MSI1: variants seen among roughly 807,000 people sequenced by gnomAD.
The protein encoded by MSI1 is RNA-binding protein Musashi homolog 1.
MSI1 carries 15 observed loss-of-function variants against 54.4 expected under a neutral mutation model. The observed-to-expected ratio is 0.28, with a 90% CI of 0.18 to 0.42. The LOEUF (loss-of-function observed/expected upper bound fraction) is 0.42. Ranked by LOEUF, MSI1 falls within the 20% of genes least tolerant of loss-of-function variation. The probability of loss-of-function intolerance (pLI) is 1.00; values close to 1 mark genes in which losing one functional copy is unlikely to be tolerated. For missense variants in MSI1, 304 were observed against 506.0 expected (o/e 0.60, Z 3.83); for synonymous variants, 200 against 196.5 (o/e 1.02, Z -0.15).
At chr12:120,350,032 A>G (rs973275800) in intron 11 of MSI1, among the ~76,000 whole-genome samples, 1 of 152,126 alleles carries the variant, frequency 6.6e-6, no homozygotes, top group Non-Finnish European at 1.5e-5. Flanking sequence ...TCCTGTGCAC[A>G]GTAGGTCCGT....
intron 9 of MSI1, 144 bp downstream of exon 9, chr12:120,356,758 G>T: frequency 2.7e-6 from 2 of 754,332 alleles, no homozygotes; most frequent in Non-Finnish European, 4.4e-6. Flanking sequence ...TGCCAGACCC[G>T]ACAGATCCCT....
intron 10 of MSI1, among the ~76,000 whole-genome samples, chr12:120,353,088 G>C (rs1874772225): frequency 6.6e-6 from 1 of 151,968 alleles, no homozygotes; most frequent in African/African-American, 2.4e-5. Context: ...GTGCCATGCA[G>C]GGCCACGCTG....
At chr12:120,345,050 C>T (rs991511696) in intron 14 of MSI1, among the ~76,000 whole-genome samples, 20 of 151,012 alleles carry the variant, frequency 1.3e-4, no homozygotes, top group East Asian at 3.9e-4. Context: ...TAATAATAAA[C>T]GATCTTAAAA....
intron 14 of MSI1, among the ~76,000 whole-genome samples, chr12:120,343,942 C>T (rs1027362571): frequency 3.9e-5 from 6 of 152,158 alleles, no homozygotes; most frequent in African/African-American, 9.7e-5. Flanking sequence ...CTGCAGCCTT[C>T]GCTTTCTGGG....
chr12:120,363,215 C>T, intron 5 of MSI1, 80 bp from the exon 6 acceptor site: 4 of 1,213,228 alleles, frequency 3.3e-6, no homozygotes, highest in Non-Finnish European at 4.8e-6. Context: ...GCCCCCCTGC[C>T]AGGATGCCAG....
chr12:120,355,402 CAAAAA>C (rs34596687), intron 9 of MSI1, among the ~76,000 whole-genome samples: 1 of 104,494 alleles, frequency 9.6e-6, no homozygotes. Context: ...GACTCCGTCT[CAAAAA>C]AAAAAAAAAA....
At chr12:120,351,292 T>A in intron 11 of MSI1, 52 bp downstream of exon 11, 1 of 1,536,144 alleles carries the variant, frequency 6.5e-7, no homozygotes, top group Non-Finnish European at 9.0e-7. Flanking sequence ...CCTGGGCCCC[T>A]TCTGTTTCTC....
chr12:120,344,678 G>A (rs921821880), intron 14 of MSI1, among the ~76,000 whole-genome samples: 2 of 151,618 alleles, frequency 1.3e-5, no homozygotes, highest in African/African-American at 4.9e-5. Context: ...CTGCACTCCA[G>A]CCTGGGTGGC....
chr12:120,345,745 C>T lies in MSI1; in HGVS notation c.1048-113G>A, dbSNP rs527519606. The T allele has an allele frequency of 2.3e-5, 30 of 1,317,406 alleles. No homozygotes were observed. The East Asian group carries it at 3.7e-4, about 16-fold the overall frequency. The allele number at this position is 1,317,406 out of a possible 1,614,324, so 81.6% of individuals were successfully genotyped here. A position where few individuals can be genotyped will look rare whatever the true frequency, so the allele number is the denominator to read the frequency against. On this transcript the variant is annotated intron_variant, in intron 13 of 14. Coordinates refer to ENST00000257552, the MANE Select transcript of MSI1 (RefSeq NM_002442.4). ...AGGCGCTGACCTCTCTCTACCTGTCCGGATCGCCCCCCTACTGCAGGTCTG... is the reference window on the plus strand; with the variant it reads ...AGGCGCTGACCTCTCTCTACCTGTCTGGATCGCCCCCCTACTGCAGGTCTG...
At position 120,342,926 on chromosome 12, in the gene MSI1, G is replaced by A. The variant is rs1319342181; in HGVS notation, c.*201C>T. 6.7e-6 allele frequency: 1 copy of A among 148,894 alleles called. No homozygotes were observed. Among genetic ancestry groups the A allele is most frequent in the Non-Finnish European group, 1.5e-5 (1 of 67,404 alleles). The allele number at this position is 148,894 out of a possible 1,614,324, so 9.2% of individuals were successfully genotyped here. On this transcript the variant is annotated 3_prime_UTR_variant, in exon 15 of 15. Coordinates refer to ENST00000257552, the MANE Select transcript of MSI1 (RefSeq NM_002442.4). ...GGATGGGGGCAAGGGCGAAGAGGGGGACGTTAGTAGGGGAGCCAGACGCTG... is the reference window on the plus strand; with the variant it reads ...GGATGGGGGCAAGGGCGAAGAGGGGAACGTTAGTAGGGGAGCCAGACGCTG...
At chr12:120,348,742 A>AATTAG (rs1874354762) in intron 11 of MSI1, among the ~76,000 whole-genome samples, 1 of 151,786 alleles carries the variant, frequency 6.6e-6, no homozygotes, top group Admixed American at 6.6e-5. Context: ...CAAAAAACAA[A>AATTAG]ATTAGCCAGG....
chr12:120,368,037 G>A lies in MSI1; in HGVS notation c.238C>T (p.Gln80Ter). The change falls in exon 4 of 15, where the codon CAA becomes TAA. Residue 80 changes from glutamine to a stop codon, truncating the protein, a stop_gained. Transcript: ENST00000257552. LOFTEE classifies it high-confidence loss of function. This position sits in a 1 kb window ranked among gnomAD's most constrained non-coding sequence, Gnocchi z 6.6. Reference sequence around the variant, plus strand: ...TTGGAGTCGAGCTCGTGCCGCGATTGCGCCAGCACTTTATCCACCCCCGCC... The same window carrying A: ...TTGGAGTCGAGCTCGTGCCGCGATTACGCCAGCACTTTATCCACCCCCGCC... ...DQAGVDKVLA[Q>*]SRHELDSKTI... is the part of the protein sequence containing the mutation. The A allele has an allele frequency of 6.2e-7, 1 of 1,613,444 alleles. No individual in the cohort carries two copies. The highest frequency in any genetic ancestry group is 8.5e-7 in the Non-Finnish European group (1 of 1,179,760).
At chr12:120,345,526 T>C (rs1387087057) in intron 14 of MSI1, 44 bp downstream of exon 14, 15 of 1,579,802 alleles carry the variant, frequency 9.5e-6, no homozygotes, top group Non-Finnish European at 1.2e-5. Context: ...CAGGACAGGC[T>C]TCCCCAGTGC....
At chr12:120,367,843 C>T (rs1018849617) in intron 4 of MSI1, among the ~76,000 whole-genome samples, 165 bp downstream of exon 4, 1 of 152,050 alleles carries the variant, frequency 6.6e-6, no homozygotes. Flanking sequence ...CCCTCTCCCC[C>T]CCAACTCTAG....
At chr12:120,359,697 C>T (rs1875467410) in intron 6 of MSI1, among the ~76,000 whole-genome samples, 2 of 152,100 alleles carry the variant, frequency 1.3e-5, no homozygotes, top group Admixed American at 6.6e-5. Flanking sequence ...TTGTTACTTC[C>T]TCTAGGTACC....
At chr12:120,341,046 C>T (rs897962463), downstream of MSI1, among the ~76,000 whole-genome samples, 5 of 151,916 alleles carry the variant, frequency 3.3e-5, no homozygotes, top group Admixed American at 2.6e-4. Context: ...CCACCACACT[C>T]GGCTAATTTT....
chr12:120,364,330 C>T (rs906421304), intron 5 of MSI1, among the ~76,000 whole-genome samples: 4 of 152,074 alleles, frequency 2.6e-5, no homozygotes, highest in Admixed American at 6.5e-5. Flanking sequence ...GCCTGTAGCG[C>T]GGCCTTAGGG....
chr12:120,355,691 T>C (rs1376259559), intron 9 of MSI1, among the ~76,000 whole-genome samples: 2 of 152,204 alleles, frequency 1.3e-5, no homozygotes, highest in Non-Finnish European at 2.9e-5. Context: ...AACAGGTGAA[T>C]CTGATAACAG....
At position 120,345,588 on chromosome 12, in the gene MSI1, G is replaced by A. The variant is rs1874044880; in HGVS notation, c.*3C>T. ...TCCTCACCTCCTGCCACCGTCCCCT[G>A]CTTCAGTGGTACCCATTGGTGAAGG... On this transcript the variant is annotated 3_prime_UTR_variant, in exon 14 of 15. Coordinates refer to ENST00000257552, the MANE Select transcript of MSI1 (RefSeq NM_002442.4). The A allele has an allele frequency of 6.2e-7, 1 of 1,613,554 alleles. No homozygotes were observed. Among genetic ancestry groups the A allele is most frequent in the Non-Finnish European group, 8.5e-7 (1 of 1,179,794 alleles).
Sources: allele counts gnomAD v4.1 joint callset (sites outside exome capture counted in the v4.1 genomes callset), GRCh38; gene constraint gnomAD v4.1.1; non-coding constraint Gnocchi (gnomAD v3.1); transcripts MANE v1.5; gene names NCBI Gene and HGNC (gene_info 2026-07-23, HGNC 2026-07-21).